The following KATNA1 variants were observed in gnomAD, a reference collection of about 807,000 sequenced individuals.
KATNA1 encodes the protein katanin p60 ATPase-containing subunit A1.
In KATNA1, 42 loss-of-function variants were observed where a neutral mutation model predicts 62.6. That is an observed-to-expected ratio of 0.67 (90% CI 0.52 to 0.87). The LOEUF (loss-of-function observed/expected upper bound fraction) is 0.87, where lower values mean the gene tolerates loss of function less well. Among genes scored for constraint, KATNA1 ranks in the 40% least tolerant of loss-of-function variants. The probability of loss-of-function intolerance (pLI) is 0.00; values close to 1 mark genes in which losing one functional copy is unlikely to be tolerated. For missense variants in KATNA1, 498 were observed against 612.5 expected, an observed-to-expected ratio of 0.81 and a Z score of 1.97; for synonymous variants, 186 against 201.9, an observed-to-expected ratio of 0.92 and a Z score of 0.67.
intron 2 of KATNA1, among the ~76,000 whole-genome samples, chr6:149,635,367 G>A (rs903881452): frequency 2.0e-5 from 3 of 152,294 alleles, no homozygotes; most frequent in African/African-American, 7.2e-5. Flanking sequence ...ATATGGTGAT[G>A]GTTGTACATT....
intron 4 of KATNA1, among the ~76,000 whole-genome samples, chr6:149,622,140 T>G (rs1779423224): frequency 2.6e-5 from 4 of 151,896 alleles, no homozygotes; most frequent in South Asian, 2.1e-4. Flanking sequence ...TTGTTTTTTT[T>G]TTTTTTCCTC....
intron 3 of KATNA1, among the ~76,000 whole-genome samples, chr6:149,630,671 G>A (rs1199830134): frequency 1.3e-5 from 2 of 152,110 alleles, no homozygotes; most frequent in Non-Finnish European, 2.9e-5. Context: ...GAAATAATCA[G>A]TACTCATTAA....
chr6:149,610,982 A>G (rs9498382), intron 4 of KATNA1, among the ~76,000 whole-genome samples: 69,427 of 152,068 alleles, frequency 0.46, 17,230 homozygotes, highest in East Asian at 0.81. Flanking sequence ...CTACTTGGGA[A>G]ACTGAGGCAG....
In KATNA1 at chr6:149,597,565, A is replaced by G. The variant is rs1778374358; in HGVS notation, c.1092T>C (p.Asp364=). The G allele has an allele frequency of 1.9e-6, 3 of 1,614,058 alleles. No homozygotes were observed. The East Asian group carries it at 6.7e-5, about 36-fold the overall frequency. ...MVLAATNFPW[D]IDEALRRRLE... ...GGCGTCGTCTTAAAGCCTCATCTAT[A>G]TCCCAGGGAAAATTAGTAGCTGCCA... Residue 364 remains aspartate (D), a synonymous_variant, in exon 9 of 11, where the codon GAT becomes GAC. Coordinates refer to ENST00000367411, the MANE Select transcript of KATNA1 (RefSeq NM_007044.4).
At position 149,643,566 on chromosome 6, in the gene KATNA1, C is replaced by T. The variant is rs578036174; in HGVS notation, c.-14+4903G>A. ...TGATCATATTCTATCTTAATAAAAG[C>T]CTAAAGGCCAAGGACCATATCTCTC... On this transcript the variant is annotated intron_variant, in intron 1 of 10. Transcript: ENST00000367411. Among the ~76,000 whole-genome samples, 192 of 152,274 alleles carry T rather than the reference C, an allele frequency of 1.3e-3. 1 individual carries two copies. Among genetic ancestry groups the T allele is most frequent in the Non-Finnish European group, 1.8e-3 (122 of 68,034 alleles).
chr6:149,645,103 G>A (rs1780431593), intron 1 of KATNA1, among the ~76,000 whole-genome samples: 1 of 152,064 alleles, frequency 6.6e-6, no homozygotes, highest in Non-Finnish European at 1.5e-5. Flanking sequence ...CTAGAAACTG[G>A]CTGTATTAAG....
intron 4 of KATNA1, among the ~76,000 whole-genome samples, chr6:149,607,287 G>A (rs532398159): frequency 6.6e-6 from 1 of 152,318 alleles, no homozygotes; most frequent in African/African-American, 2.4e-5. Context: ...ATTAGTTGAA[G>A]TAGTACAATT....
chr6:149,645,068 T>C (rs55972851), intron 1 of KATNA1, among the ~76,000 whole-genome samples: 5,297 of 152,310 alleles, frequency 0.035, 131 homozygotes, highest in Non-Finnish European at 0.054. Flanking sequence ...ATCTTTATCA[T>C]TGCTAAAATT....
rs200752597 is a variant in KATNA1, at chr6:149,643,847, A to AT, written c.-14+4621dup. Among the ~76,000 whole-genome samples, 287 of 147,026 alleles carry AT rather than the reference A, an allele frequency of 2.0e-3. 3 individuals are homozygous for AT. The highest frequency in any genetic ancestry group is 0.017 in the Middle Eastern group (5 of 288). Reference sequence around the variant, plus strand: ...CCACACCCAGCTAATATATATATATATTTTTTTTTTGGTATGTTTTGTAGA... The same window carrying AT: ...CCACACCCAGCTAATATATATATATATTTTTTTTTTTGGTATGTTTTGTAGA... On this transcript the variant is annotated intron_variant, in intron 1 of 10. Coordinates refer to ENST00000367411, the MANE Select transcript of KATNA1 (RefSeq NM_007044.4).
At chr6:149,611,516 AG>A (rs1308208732) in intron 4 of KATNA1, among the ~76,000 whole-genome samples, 1 of 151,712 alleles carries the variant, frequency 6.6e-6, no homozygotes, top group Non-Finnish European at 1.5e-5. Context: ...TATTGATAAG[AG>A]CAAAAAGCAA....
chr6:149,636,471 A>T (rs1780067799), intron 2 of KATNA1, among the ~76,000 whole-genome samples: 1 of 151,834 alleles, frequency 6.6e-6, no homozygotes, highest in Non-Finnish European at 1.5e-5. Flanking sequence ...AATTACATGG[A>T]TATGGTAAAG....
chr6:149,619,966 T>C (rs1234923829), intron 4 of KATNA1, among the ~76,000 whole-genome samples: 1 of 152,070 alleles, frequency 6.6e-6, no homozygotes, highest in Non-Finnish European at 1.5e-5. Flanking sequence ...TGCATATACA[T>C]ACATACATAC....
At chr6:149,630,260 T>C (rs2114599891) in intron 3 of KATNA1, among the ~76,000 whole-genome samples, 2 of 152,232 alleles carry the variant, frequency 1.3e-5, no homozygotes, top group South Asian at 4.2e-4. Context: ...AAGGGAAAAA[T>C]TTAGTAAATA....
chr6:149,636,449 G>T (rs536173655), intron 2 of KATNA1, among the ~76,000 whole-genome samples: 2 of 133,664 alleles, frequency 1.5e-5, no homozygotes, highest in Non-Finnish European at 3.1e-5. Context: ...TAAAATAGTT[G>T]CCCTTTCTGG....
At chr6:149,647,356 T>C (rs947629684) in intron 1 of KATNA1, among the ~76,000 whole-genome samples, 2 of 151,652 alleles carry the variant, frequency 1.3e-5, no homozygotes, top group Non-Finnish European at 2.9e-5. Flanking sequence ...ACCCCATCTC[T>C]ACTAAAATAC....
rs144442409 is a variant in KATNA1 at position 149,603,301 on chromosome 6, G to A, written c.696C>T (p.Pro232=). ...KEAVVLPMWM[P]EFFKGIRRPW... ...GTCTCCTAATGCCCTTAAAGAATTC[G>A]GGCATCCACATTGGTAACACTACGG... is the stretch of plus-strand genomic sequence containing the variant. The change falls in exon 6 of 11, where the codon CCC becomes CCT. Residue 232 remains proline, a synonymous_variant. Transcript: ENST00000367411. 3.7e-5 allele frequency: 59 copies of A among 1,586,930 alleles called. No homozygotes were observed. Among genetic ancestry groups the A allele is most frequent in the Non-Finnish European group, 4.6e-5 (53 of 1,160,588 alleles).
intron 4 of KATNA1, among the ~76,000 whole-genome samples, chr6:149,622,513 A>G (rs1379192419): frequency 6.6e-6 from 1 of 152,184 alleles, no homozygotes; most frequent in Non-Finnish European, 1.5e-5. Flanking sequence ...AAAACTAGGT[A>G]AAGTATATAT....
At chr6:149,601,219 G>T (rs2115081469) in intron 7 of KATNA1, among the ~76,000 whole-genome samples, 1 of 152,250 alleles carries the variant, frequency 6.6e-6, no homozygotes, top group South Asian at 2.1e-4. Context: ...GATCGGAGGT[G>T]ACCTAAGTTC....
intron 6 of KATNA1, among the ~76,000 whole-genome samples, chr6:149,602,184 G>A (rs1778570367): frequency 6.6e-6 from 1 of 152,096 alleles, no homozygotes; most frequent in African/African-American, 2.4e-5. Flanking sequence ...GGCCAACATG[G>A]TGAAGCCCCG....
Sources: gnomAD v4.1 joint callset for allele counts (sites outside exome capture counted in the v4.1 genomes callset) on GRCh38, gnomAD v4.1.1 for gene constraint, MANE v1.5 for transcripts, NCBI Gene and HGNC (gene_info 2026-07-23, HGNC 2026-07-21) for gene names.